The following PARD3B variants were observed in gnomAD, a reference collection of about 807,000 sequenced individuals.
PARD3B encodes the protein partitioning defective 3 homolog B.
In PARD3B, 103 loss-of-function variants were observed where a neutral mutation model predicts 130.2. The observed-to-expected ratio is 0.79, with a 90% CI of 0.67 to 0.93. The LOEUF is 0.93. Among genes scored for constraint, PARD3B ranks in the 40% least tolerant of loss-of-function variants. The pLI is 0.00. For missense variants in PARD3B, 1,609 were observed against 1,499.2 expected (o/e 1.07, Z -1.21); for synonymous variants, 583 against 553.2 (o/e 1.05, Z -0.76).
chr2:205,514,426 C>CTTAT (rs2050708501), intron 21 of PARD3B, among the ~76,000 whole-genome samples: 1 of 152,040 alleles, frequency 6.6e-6, no homozygotes, highest in African/African-American at 2.4e-5. Flanking sequence ...TTCATATCTG[C>CTTAT]TTATTTACTG....
At chr2:205,338,929 G>T (rs1386243073) in intron 18 of PARD3B, among the ~76,000 whole-genome samples, 1 of 152,152 alleles carries the variant, frequency 6.6e-6, no homozygotes, top group South Asian at 2.1e-4. Flanking sequence ...TCTGGAAAAA[G>T]TCCAGAGATT....
intron 3 of PARD3B, among the ~76,000 whole-genome samples, chr2:204,973,496 G>T: frequency 1.1e-5 from 1 of 89,932 alleles, no homozygotes; most frequent in African/African-American, 6.0e-5. Context: ...GTAATGTTTA[G>T]CCTTTAAGAT....
intron 2 of PARD3B, among the ~76,000 whole-genome samples, chr2:204,704,164 G>A (rs1358649463): frequency 6.6e-6 from 1 of 152,112 alleles, no homozygotes; most frequent in African/African-American, 2.4e-5. Context: ...TCACATTGTT[G>A]TATAACCAGC....
At chr2:205,086,930 G>A (rs542351555) in intron 4 of PARD3B, among the ~76,000 whole-genome samples, 1 of 152,174 alleles carries the variant, frequency 6.6e-6, no homozygotes, top group East Asian at 1.9e-4. Flanking sequence ...ACATCGTAAA[G>A]CATGGTGTTG....
chr2:205,614,091 A>C (rs149627002), intron 22 of PARD3B, among the ~76,000 whole-genome samples: 9 of 152,322 alleles, frequency 5.9e-5, no homozygotes, highest in Admixed American at 2.6e-4. Context: ...GAATGTGTGC[A>C]CAGAAGGTTT....
At chr2:204,790,547 GTGAC>G (rs1387955586) in intron 2 of PARD3B, among the ~76,000 whole-genome samples, 2 of 152,172 alleles carry the variant, frequency 1.3e-5, no homozygotes, top group African/African-American at 4.8e-5. Flanking sequence ...TCTGGTACCA[GTGAC>G]TGACTGAATG....
intron 2 of PARD3B, among the ~76,000 whole-genome samples, chr2:204,934,581 T>G (rs1164779728): frequency 2.0e-5 from 3 of 152,140 alleles, no homozygotes; most frequent in African/African-American, 7.3e-5. Context: ...AATGTATAGC[T>G]AGGCTTTTAA....
At chr2:205,607,831 TACACACACACACACACACACACAC>T (rs776583001) in intron 22 of PARD3B, among the ~76,000 whole-genome samples, 1 of 116,190 alleles carries the variant, frequency 8.6e-6, no homozygotes, top group Non-Finnish European at 1.7e-5. Flanking sequence ...CCAACACCCA[TACACACACACACACACACACACAC>T]ACACACACAC....
intron 18 of PARD3B, among the ~76,000 whole-genome samples, chr2:205,332,478 G>T (rs2075503428): frequency 1.3e-5 from 2 of 152,166 alleles, no homozygotes; most frequent in Non-Finnish European, 2.9e-5. Flanking sequence ...GAGGGAGAAA[G>T]CGCTCTGGAG....
At chr2:204,874,345 A>G (rs958085877) in intron 2 of PARD3B, among the ~76,000 whole-genome samples, 6 of 152,212 alleles carry the variant, frequency 3.9e-5, no homozygotes, top group Non-Finnish European at 1.5e-5. Flanking sequence ...TTCTGTTTTA[A>G]AAAGTAAGCA....
At chr2:205,355,568 T>C (rs1338055616) in intron 18 of PARD3B, among the ~76,000 whole-genome samples, 3 of 152,116 alleles carry the variant, frequency 2.0e-5, no homozygotes, top group Admixed American at 6.5e-5. Flanking sequence ...CTGTGTAAGG[T>C]GAGTGATTGA....
chr2:205,188,488 A>G lies in PARD3B; in HGVS notation c.2024+2625A>G, dbSNP rs534553815. Among the ~76,000 whole-genome samples, 4 of 152,344 alleles carry G rather than the reference A, an allele frequency of 2.6e-5. No homozygotes were observed. In the South Asian group the frequency reaches 8.3e-4, roughly 32 times the overall value. On this transcript the variant is annotated intron_variant, in intron 14 of 22. Transcript: ENST00000406610. The stretch of plus-strand genomic sequence containing the variant: ...GAGGGAATGGCAGAAGCCGCCATAG[A>G]CAAGGAGGCTGCTCCGACTTGGGAC...
At chr2:205,299,790 A>G (rs969067350) in intron 16 of PARD3B, among the ~76,000 whole-genome samples, 16 of 152,164 alleles carry the variant, frequency 1.1e-4, no homozygotes, top group African/African-American at 3.4e-4. Flanking sequence ...ATAATTTTAT[A>G]TTGCATTAAA....
In PARD3B at chr2:204,546,132, C is replaced by T; in HGVS notation, c.120+13C>T. ...GACCCGGGAGAAGGTGAGCGCGGCG[C>T]GGAGGAGTGGGGCGCGGCTGCAGCC... On this transcript the variant is annotated intron_variant, in intron 1 of 22. Coordinates refer to ENST00000406610, the MANE Select transcript of PARD3B (RefSeq NM_001302769.2). 1 of 1,551,992 alleles carries T rather than the reference C, an allele frequency of 6.4e-7. No homozygotes were observed. The highest frequency in any genetic ancestry group is 1.7e-4 in the Middle Eastern group (1 of 5,992).
intron 10 of PARD3B, among the ~76,000 whole-genome samples, chr2:205,134,632 T>C (rs2032315444): frequency 6.6e-6 from 1 of 152,176 alleles, no homozygotes; most frequent in Admixed American, 6.5e-5. Flanking sequence ...TCCTTAATCA[T>C]GGCCAGCTTT....
intron 22 of PARD3B, among the ~76,000 whole-genome samples, chr2:205,610,639 T>C (rs17626153): frequency 0.071 from 10,758 of 152,270 alleles, 528 homozygotes; most frequent in Non-Finnish European, 0.11. Flanking sequence ...AAGTACTCTG[T>C]AGGGCAACAG....
chr2:204,698,430 C>T (rs2037720598), intron 2 of PARD3B, among the ~76,000 whole-genome samples: 1 of 151,974 alleles, frequency 6.6e-6, no homozygotes, highest in African/African-American at 2.4e-5. Flanking sequence ...AATGCATATT[C>T]CAGTTGTTTG....
At chr2:205,507,051 C>G (rs920546717) in intron 21 of PARD3B, among the ~76,000 whole-genome samples, 1 of 152,070 alleles carries the variant, frequency 6.6e-6, no homozygotes, top group African/African-American at 2.4e-5. Flanking sequence ...TCTAACACAA[C>G]AACTCTGAAG....
At chr2:205,261,107 A>T (rs1412495244) in intron 16 of PARD3B, among the ~76,000 whole-genome samples, 1 of 152,134 alleles carries the variant, frequency 6.6e-6, no homozygotes, top group Non-Finnish European at 1.5e-5. Context: ...CCTATGAACA[A>T]ATCAACCCAT....
Sources: allele counts gnomAD v4.1 joint callset (sites outside exome capture counted in the v4.1 genomes callset), GRCh38; gene constraint gnomAD v4.1.1; transcripts MANE v1.5; gene names NCBI Gene and HGNC (gene_info 2026-07-23, HGNC 2026-07-21).